APP: variants seen among roughly 807,000 people sequenced by gnomAD.
APP encodes amyloid-beta precursor protein.
A neutral mutation model predicts 101.4 loss-of-function variants in APP; 31 were observed. That is an observed-to-expected ratio of 0.31 (90% CI 0.23 to 0.41). The LOEUF (loss-of-function observed/expected upper bound fraction) is 0.41, where lower values mean the gene tolerates loss of function less well. Ranked by LOEUF, APP falls within the 10% of genes least tolerant of loss-of-function variation. The probability of loss-of-function intolerance (pLI) is 1.00; values close to 1 mark genes in which losing one functional copy is unlikely to be tolerated. For missense variants in APP, 839 were observed against 1,003.7 expected, an observed-to-expected ratio of 0.84 and a Z score of 2.22; for synonymous variants, 366 against 364.4, an observed-to-expected ratio of 1.00 and a Z score of -0.05.
At chr21:26,100,820 A>G (rs984270823) in intron 2 of APP, among the ~76,000 whole-genome samples, 2 of 152,194 alleles carry the variant, frequency 1.3e-5, no homozygotes, top group South Asian at 2.1e-4. Flanking sequence ...GGTGGGAAAG[A>G]AAACAGGAAA....
At chr21:26,155,355 T>C (rs570392045) in intron 1 of APP, among the ~76,000 whole-genome samples, 14 of 152,352 alleles carry the variant, frequency 9.2e-5, no homozygotes, top group African/African-American at 2.6e-4. Flanking sequence ...ATTTCATAAA[T>C]AGCTTTTATA....
chr21:26,016,939 GGGGGCGGGGGGC>G (rs1568860923), intron 6 of APP, among the ~76,000 whole-genome samples: 14 of 6,460 alleles, frequency 2.2e-3, no homozygotes, highest in Non-Finnish European at 0.01. Flanking sequence ...GTGGGGGGCG[GGGGGCGGGGGGC>G]GGGGGGTGCC....
At chr21:26,082,708 C>T (rs60381302) in intron 3 of APP, among the ~76,000 whole-genome samples, 9,534 of 152,190 alleles carry the variant, frequency 0.063, 335 homozygotes, top group East Asian at 0.095. Context: ...CACAATGCTA[C>T]TTCCTGTCAA....
intron 16 of APP, among the ~76,000 whole-genome samples, chr21:25,895,416 G>A (rs2037973242): frequency 6.6e-6 from 1 of 152,040 alleles, no homozygotes; most frequent in African/African-American, 2.4e-5. Context: ...CACCTGCCTT[G>A]GCCTCCCAAA....
chr21:25,970,573 A>C (rs576008458), intron 11 of APP, among the ~76,000 whole-genome samples: 1 of 152,238 alleles, frequency 6.6e-6, no homozygotes, highest in Non-Finnish European at 1.5e-5. Context: ...ATAAAAAAAA[A>C]TTTCCTGACA....
At chr21:26,160,946 C>G (rs976286532) in intron 1 of APP, among the ~76,000 whole-genome samples, 1 of 152,000 alleles carries the variant, frequency 6.6e-6, no homozygotes, top group African/African-American at 2.4e-5. Flanking sequence ...ATAAAATGTT[C>G]CAAAAAGAGG....
Position 26,102,655 on chromosome 21 carries a change from C to A in APP, c.225+9324G>T, listed in dbSNP as rs142376734. The stretch of plus-strand genomic sequence containing the variant: ...CCTGTAATCCCAGCACTTTGGGAGG[C>A]CAAGACAGGTGGATCACTTGAGGTC... On this transcript the variant is annotated intron_variant, in intron 2 of 17. Transcript: ENST00000346798. Among the ~76,000 whole-genome samples the A allele has an allele frequency of 5.1e-3, 779 of 151,898 alleles. 8 individuals carry two copies. The highest frequency in any genetic ancestry group is 0.018 in the African/African-American group (739 of 41,468).
At chr21:25,986,094 C>T (rs901611382) in intron 8 of APP, among the ~76,000 whole-genome samples, 4 of 152,124 alleles carry the variant, frequency 2.6e-5, no homozygotes, top group African/African-American at 9.7e-5. Flanking sequence ...GGACTGACTA[C>T]CATTTTGTGA....
chr21:25,972,738 A>G (rs1162467125), intron 11 of APP, among the ~76,000 whole-genome samples: 1 of 152,176 alleles, frequency 6.6e-6, no homozygotes, highest in East Asian at 1.9e-4. Context: ...AGGCAGAAGG[A>G]AAATGATACC....
chr21:25,882,396 C>T (rs538825489), intron 17 of APP, among the ~76,000 whole-genome samples: 10 of 147,910 alleles, frequency 6.8e-5, no homozygotes, highest in East Asian at 2.0e-4. Context: ...GCAAGGACGA[C>T]GCCATTCTAG....
chr21:26,084,278 C>T (rs544230287), intron 3 of APP, among the ~76,000 whole-genome samples: 1 of 138,726 alleles, frequency 7.2e-6, no homozygotes, highest in Non-Finnish European at 1.5e-5. Context: ...TCGCTCTGTC[C>T]CCCAGGCTGG....
chr21:25,927,948 C>G (rs763626779), intron 13 of APP, among the ~76,000 whole-genome samples: 2 of 152,176 alleles, frequency 1.3e-5, no homozygotes, highest in African/African-American at 2.4e-5. Context: ...TCCTTTTTCC[C>G]GTTTACCTGT....
At chr21:26,003,957 C>T (rs2043402732) in intron 6 of APP, among the ~76,000 whole-genome samples, 1 of 152,202 alleles carries the variant, frequency 6.6e-6, no homozygotes, top group African/African-American at 2.4e-5. Flanking sequence ...AAAGGGAATG[C>T]AACTGTTTGT....
intron 11 of APP, among the ~76,000 whole-genome samples, chr21:25,969,095 T>A (rs1163355610): frequency 6.6e-6 from 1 of 151,878 alleles, no homozygotes; most frequent in Non-Finnish European, 1.5e-5. Flanking sequence ...ATCTCAGCAC[T>A]TTGGGAGGCG....
At chr21:26,028,594 T>C (rs2044685287) in intron 5 of APP, among the ~76,000 whole-genome samples, 2 of 152,142 alleles carry the variant, frequency 1.3e-5, no homozygotes, top group Admixed American at 1.3e-4. Flanking sequence ...AGCCAATGGA[T>C]AAATATTTGA....
At chr21:25,995,915 T>C (rs1160184197) in intron 8 of APP, among the ~76,000 whole-genome samples, 2 of 151,664 alleles carry the variant, frequency 1.3e-5, no homozygotes, top group Non-Finnish European at 2.9e-5. Context: ...TTAAAAAAGA[T>C]AACTGGCTTC....
chr21:25,967,574 C>T (rs1286197534), intron 11 of APP, among the ~76,000 whole-genome samples: 1 of 152,122 alleles, frequency 6.6e-6, no homozygotes, highest in Non-Finnish European at 1.5e-5. Flanking sequence ...CCTAGGCCTA[C>T]AATAGAAAGT....
intron 1 of APP, among the ~76,000 whole-genome samples, chr21:26,156,439 A>T (rs1484941550): frequency 6.6e-6 from 1 of 152,230 alleles, no homozygotes; most frequent in African/African-American, 2.4e-5. Context: ...GAGAGTGAGT[A>T]CTCAAGTTCT....
intron 3 of APP, among the ~76,000 whole-genome samples, chr21:26,084,591 C>T (rs1216414875): frequency 2.6e-5 from 4 of 152,180 alleles, no homozygotes; most frequent in African/African-American, 9.7e-5. Flanking sequence ...GAGGGCTTCA[C>T]TTTCTAAGTC....
Sources: gnomAD v4.1 joint callset for allele counts (sites outside exome capture counted in the v4.1 genomes callset) on GRCh38, gnomAD v4.1.1 for gene constraint, MANE v1.5 for transcripts, NCBI Gene and HGNC (gene_info 2026-07-23, HGNC 2026-07-21) for gene names.